SLC44A1: variants seen among roughly 807,000 people sequenced by gnomAD.
The protein encoded by SLC44A1 is solute carrier family 44 member 1, also known as choline transporter-like protein 1.
A neutral mutation model predicts 79.3 loss-of-function variants in SLC44A1; 26 were observed. The ratio of observed to expected loss-of-function variants is 0.33; its 90% CI spans 0.24 to 0.46. SLC44A1 has a LOEUF of 0.46. Ranked by LOEUF, SLC44A1 falls within the 20% of genes least tolerant of loss-of-function variation. SLC44A1 has a pLI of 1.00. For missense variants in SLC44A1, 688 were observed against 798.1 expected, an observed-to-expected ratio of 0.86 and a Z score of 1.66; for synonymous variants, 263 against 286.2, an observed-to-expected ratio of 0.92 and a Z score of 0.82.
chr9:105,282,481 A>G (rs1830376977), intron 1 of SLC44A1, among the ~76,000 whole-genome samples: 1 of 152,082 alleles, frequency 6.6e-6, no homozygotes, highest in African/African-American at 2.4e-5. Flanking sequence ...CAGACTGTCA[A>G]TTTGATGTTT....
chr9:105,316,093 T>C (rs762156312), intron 3 of SLC44A1, among the ~76,000 whole-genome samples: 1 of 152,220 alleles, frequency 6.6e-6, no homozygotes, highest in Middle Eastern at 3.2e-3. Flanking sequence ...TTCTTTGAGT[T>C]AGGCACTTGA....
intron 15 of SLC44A1, among the ~76,000 whole-genome samples, chr9:105,438,072 G>C (rs1346554358): frequency 6.6e-6 from 1 of 152,048 alleles, no homozygotes; most frequent in Non-Finnish European, 1.5e-5. Flanking sequence ...TAAATAACTT[G>C]TGCATGAATA....
intron 13 of SLC44A1, among the ~76,000 whole-genome samples, chr9:105,381,700 G>A (rs566197868): frequency 6.6e-6 from 1 of 152,292 alleles, no homozygotes; most frequent in East Asian, 1.9e-4. Flanking sequence ...AGATTCATAA[G>A]TGTGTTGCTA....
intron 12 of SLC44A1, among the ~76,000 whole-genome samples, chr9:105,372,929 G>A (rs1395717621): frequency 4.2e-5 from 6 of 144,478 alleles, no homozygotes; most frequent in South Asian, 2.3e-4. Flanking sequence ...CAGCCTGGGC[G>A]ACAGAGCGAG....
chr9:105,356,858 G>A (rs546444492), intron 6 of SLC44A1, among the ~76,000 whole-genome samples: 43 of 151,954 alleles, frequency 2.8e-4, no homozygotes, highest in African/African-American at 8.7e-4. Flanking sequence ...GGAAAAATTA[G>A]GAAATCTCCA....
At chr9:105,379,336 G>C (rs895420488) in intron 13 of SLC44A1, among the ~76,000 whole-genome samples, 1 of 152,172 alleles carries the variant, frequency 6.6e-6, no homozygotes, top group African/African-American at 2.4e-5. Flanking sequence ...TAGAGATCGG[G>C]TTGAGGAGGA....
intron 1 of SLC44A1, among the ~76,000 whole-genome samples, chr9:105,245,878 A>G (rs327960): frequency 6.6e-6 from 1 of 152,098 alleles, no homozygotes; most frequent in Non-Finnish European, 1.5e-5. Context: ...ACTACTGGCC[A>G]CTAATAACTG....
rs547122204 is a variant in SLC44A1, at chr9:105,319,785, C to G, written c.269+9919C>G. Among the ~76,000 whole-genome samples the G allele has an allele frequency of 3.3e-5, 5 of 152,282 alleles. No individual in the cohort carries two copies. In the East Asian group the frequency reaches 7.7e-4, roughly 24 times the overall value. On this transcript the variant is annotated intron_variant, in intron 3 of 15. Transcript: ENST00000374720. The stretch of plus-strand genomic sequence containing the variant: ...CTTTCTGAGTAAGGTTAAATTCTTA[C>G]TACACACTGGGGCTCATTAAATTAA...
At chr9:105,247,794 C>G (rs1297124356) in intron 1 of SLC44A1, among the ~76,000 whole-genome samples, 5 of 152,206 alleles carry the variant, frequency 3.3e-5, no homozygotes, top group Non-Finnish European at 7.3e-5. Flanking sequence ...GAACCTCTGG[C>G]TGGCAAGTGG....
chr9:105,403,020 T>A (rs537856014), intron 15 of SLC44A1, among the ~76,000 whole-genome samples: 1 of 146,550 alleles, frequency 6.8e-6, no homozygotes, highest in South Asian at 2.2e-4. Context: ...GGGTCTCGCT[T>A]TGTTGCCCAG....
At chr9:105,280,738 G>A (rs900332786) in intron 1 of SLC44A1, among the ~76,000 whole-genome samples, 1 of 152,174 alleles carries the variant, frequency 6.6e-6, no homozygotes, top group Non-Finnish European at 1.5e-5. Context: ...CACAAGTAGT[G>A]TTGTATTGGT....
In SLC44A1 at chr9:105,276,564, CCGTG is replaced by C. The variant is rs1237405125; in HGVS notation, c.37-22655_37-22652del. On this transcript the variant is annotated intron_variant, in intron 1 of 15. Transcript: ENST00000374720. ...TAAGTTAGGAAACGGGGATGGGGAG[CCGTG>C]TGTGTGTGTGTGTGTGTGTGTGTGT... Among the ~76,000 whole-genome samples the C allele has an allele frequency of 6.3e-5, 4 of 63,896 alleles. No homozygotes were observed. The East Asian group carries it at 2.2e-3, about 34-fold the overall frequency. The allele number at this position is 63,896 out of a possible 152,430, so 41.9% of individuals were successfully genotyped here.
intron 1 of SLC44A1, among the ~76,000 whole-genome samples, chr9:105,285,389 G>A (rs1015312660): frequency 1.8e-4 from 28 of 152,274 alleles, no homozygotes; most frequent in African/African-American, 6.0e-4. Context: ...GACAAAATAT[G>A]TTAATAACAT....
chr9:105,438,450 G>A, exon 16 of SLC44A1: 2 of 632,950 alleles, frequency 3.2e-6, no homozygotes, highest in South Asian at 2.0e-5. Context: ...CAACAGCCAA[G>A]TGGATTTGGT....
intron 3 of SLC44A1, among the ~76,000 whole-genome samples, chr9:105,331,366 C>G (rs1259533440): frequency 6.6e-6 from 1 of 152,208 alleles, no homozygotes; most frequent in African/African-American, 2.4e-5. Flanking sequence ...TAGGTGGATA[C>G]TGCGTGTTAC....
In SLC44A1 at chr9:105,390,635, C is replaced by CA; in HGVS notation, c.*1583dup. On this transcript the variant is annotated 3_prime_UTR_variant, in exon 16 of 16. Transcript: ENST00000374720. Reference sequence around the variant, plus strand: ...AAAGGGTTGGACCTTTAAATTGCTGCAAAAGGTAAATTGTATTTTTTTTTA... The same window carrying CA: ...AAAGGGTTGGACCTTTAAATTGCTGCAAAAAGGTAAATTGTATTTTTTTTTA... 1.0e-6 allele frequency: 1 copy of CA among 985,648 alleles called. No homozygotes were observed. Among genetic ancestry groups the CA allele is most frequent in the Non-Finnish European group, 1.2e-6 (1 of 829,868 alleles). 61.1% of individuals were successfully genotyped at this position (985,648 alleles called of 1,614,324 possible).
chr9:105,253,755 C>T (rs550479617), intron 1 of SLC44A1, among the ~76,000 whole-genome samples: 1 of 152,118 alleles, frequency 6.6e-6, no homozygotes, highest in East Asian at 1.9e-4. Context: ...GACAGAGTCT[C>T]GCTCTGTTGC....
At chr9:105,288,689 T>C (rs1430509856) in intron 1 of SLC44A1, among the ~76,000 whole-genome samples, 1 of 152,244 alleles carries the variant, frequency 6.6e-6, no homozygotes, top group Admixed American at 6.5e-5. Flanking sequence ...GCTTCTGAAA[T>C]GTATTGCCAA....
chr9:105,394,292 A>C lies in SLC44A1; in HGVS notation c.*5236A>C. 4 of 985,412 alleles carry C rather than the reference A, an allele frequency of 4.1e-6. No homozygotes were observed. Among genetic ancestry groups the C allele is most frequent in the Non-Finnish European group, 4.8e-6 (4 of 829,916 alleles). 61.0% of individuals were successfully genotyped at this position (985,412 alleles called of 1,614,324 possible). Reference sequence around the variant, plus strand: ...ACCTGGAATCATTTTTATAACTTAAAGACTTTATGTAATTTAGTAGCAGGT... The same window carrying C: ...ACCTGGAATCATTTTTATAACTTAACGACTTTATGTAATTTAGTAGCAGGT... On this transcript the variant is annotated 3_prime_UTR_variant, in exon 16 of 16. Coordinates refer to ENST00000374720, the MANE Select transcript of SLC44A1 (RefSeq NM_080546.5).
Sources: allele counts gnomAD v4.1 joint callset (sites outside exome capture counted in the v4.1 genomes callset), GRCh38; gene constraint gnomAD v4.1.1; transcripts MANE v1.5; gene names NCBI Gene and HGNC (gene_info 2026-07-23, HGNC 2026-07-21).